Variants in DNM3 observed in about 807,000 individuals in gnomAD.
DNM3 encodes the protein dynamin-3.
A neutral mutation model predicts 101.6 loss-of-function variants in DNM3; 47 were observed. That is an observed-to-expected ratio of 0.46 (90% confidence interval 0.37 to 0.59). The LOEUF is 0.59. DNM3 is among the 20% of genes least tolerant of loss of function. The pLI, the probability that DNM3 is intolerant of heterozygous loss-of-function variation, is 0.00. For missense variants in DNM3, 849 were observed against 1,085.7 expected (o/e 0.78, Z 3.06); for synonymous variants, 385 against 387.9 (o/e 0.99, Z 0.09).
chr1:172,205,235 A>G (rs908924619), intron 14 of DNM3, among the ~76,000 whole-genome samples: 7 of 152,206 alleles, frequency 4.6e-5, no homozygotes, highest in African/African-American at 1.7e-4. Context: ...ACCTTTTGCT[A>G]TCATCTCTAG....
At chr1:171,925,859 A>G (rs1450539245) in intron 2 of DNM3, among the ~76,000 whole-genome samples, 1 of 152,144 alleles carries the variant, frequency 6.6e-6, no homozygotes, top group Non-Finnish European at 1.5e-5. Flanking sequence ...TAAGTCTTTA[A>G]TCCATCATGA....
chr1:172,167,760 C>A (rs2058803780), intron 14 of DNM3, among the ~76,000 whole-genome samples: 1 of 152,078 alleles, frequency 6.6e-6, no homozygotes, highest in South Asian at 2.1e-4. Context: ...CAAACAGGTA[C>A]ATAATTTGCC....
intron 13 of DNM3, among the ~76,000 whole-genome samples, chr1:172,122,164 A>T (rs2056362828): frequency 6.6e-6 from 1 of 152,210 alleles, no homozygotes; most frequent in South Asian, 2.1e-4. Context: ...GGAAAAATAC[A>T]GGGAAATGGA....
intron 13 of DNM3, among the ~76,000 whole-genome samples, chr1:172,093,484 A>G (rs1258837534): frequency 6.6e-6 from 1 of 152,206 alleles, no homozygotes; most frequent in Non-Finnish European, 1.5e-5. Flanking sequence ...GTTTTATGTG[A>G]TAATGAATAT....
chr1:172,111,127 T>G (rs1181265053), intron 13 of DNM3, among the ~76,000 whole-genome samples: 1 of 152,244 alleles, frequency 6.6e-6, no homozygotes, highest in African/African-American at 2.4e-5. Flanking sequence ...GATTTAAGCT[T>G]GATTAACAAT....
chr1:171,993,561 G>A (rs1054431509), intron 4 of DNM3, among the ~76,000 whole-genome samples: 1 of 132,826 alleles, frequency 7.5e-6, no homozygotes, highest in Non-Finnish European at 1.6e-5. Flanking sequence ...AGATCTTGTT[G>A]AGTTTATCCT....
chr1:172,328,621 G>A (rs2066043332), intron 17 of DNM3, among the ~76,000 whole-genome samples: 1 of 152,076 alleles, frequency 6.6e-6, no homozygotes, highest in East Asian at 1.9e-4. Context: ...GGGAGCAAGA[G>A]ACACCGGGGC....
At chr1:172,155,795 G>A (rs1049011162) in intron 14 of DNM3, among the ~76,000 whole-genome samples, 2 of 152,066 alleles carry the variant, frequency 1.3e-5, no homozygotes, top group African/African-American at 4.8e-5. Flanking sequence ...CAATTGTTAA[G>A]AAGAAAGATA....
intron 4 of DNM3, among the ~76,000 whole-genome samples, chr1:171,996,914 C>A (rs2046034804): frequency 6.6e-6 from 1 of 151,944 alleles, no homozygotes; most frequent in African/African-American, 2.4e-5. Flanking sequence ...TGCCTGTAGT[C>A]CCACCTACTT....
intron 1 of DNM3, among the ~76,000 whole-genome samples, chr1:171,871,566 T>C (rs2035286666): frequency 1.3e-5 from 2 of 152,198 alleles, no homozygotes; most frequent in African/African-American, 4.8e-5. Flanking sequence ...GCTGGTCCTA[T>C]GAACACCGTG....
chr1:172,391,250 A>G (rs1410602395), intron 20 of DNM3, among the ~76,000 whole-genome samples: 1 of 152,194 alleles, frequency 6.6e-6, no homozygotes, highest in Non-Finnish European at 1.5e-5. Context: ...AGTACAGGGT[A>G]AAAGAGGAAA....
intron 13 of DNM3, among the ~76,000 whole-genome samples, chr1:172,119,164 G>C (rs1048476904): frequency 2.0e-5 from 3 of 151,730 alleles, no homozygotes; most frequent in African/African-American, 7.3e-5. Flanking sequence ...AGTTAATTTT[G>C]TATTTTTAGT....
chr1:172,054,655 G>C (rs1402474638), intron 10 of DNM3, among the ~76,000 whole-genome samples: 1 of 152,058 alleles, frequency 6.6e-6, no homozygotes, highest in Non-Finnish European at 1.5e-5. Flanking sequence ...ACCTTAGTCA[G>C]CTATTAGAAA....
chr1:172,243,391 G>A (rs1249165882), intron 14 of DNM3, among the ~76,000 whole-genome samples: 2 of 152,150 alleles, frequency 1.3e-5, no homozygotes, highest in Non-Finnish European at 2.9e-5. Context: ...AATGTCATGA[G>A]AATGGAAAAG....
intron 2 of DNM3, among the ~76,000 whole-genome samples, chr1:171,963,862 C>T (rs950037728): frequency 8.6e-5 from 13 of 151,688 alleles, no homozygotes; most frequent in Non-Finnish European, 1.8e-4. Flanking sequence ...ATTCCAAGCC[C>T]CCCATCCACC....
intron 13 of DNM3, among the ~76,000 whole-genome samples, chr1:172,112,373 A>C (rs555929811): frequency 1.3e-5 from 2 of 152,226 alleles, no homozygotes; most frequent in South Asian, 4.1e-4. Context: ...GTCCAGCACC[A>C]GAGCTGGGGC....
intron 14 of DNM3, among the ~76,000 whole-genome samples, chr1:172,236,662 G>C (rs545290728): frequency 6.6e-6 from 1 of 152,090 alleles, no homozygotes; most frequent in African/African-American, 2.4e-5. Context: ...ACAGAGGGAG[G>C]AAGAGGAGAA....
intron 14 of DNM3, among the ~76,000 whole-genome samples, chr1:172,135,292 G>T (rs1158282928): frequency 6.6e-6 from 1 of 152,098 alleles, no homozygotes; most frequent in African/African-American, 2.4e-5. Flanking sequence ...ACTGATAGGA[G>T]ACACTAACTA....
chr1:171,968,507 C>T (rs552720561), intron 2 of DNM3, among the ~76,000 whole-genome samples: 5 of 152,278 alleles, frequency 3.3e-5, no homozygotes, highest in African/African-American at 1.2e-4. Flanking sequence ...AAGGTTAAAG[C>T]AGAGGGGACT....
Sources: gnomAD v4.1 joint callset for allele counts (sites outside exome capture counted in the v4.1 genomes callset) on GRCh38, gnomAD v4.1.1 for gene constraint, MANE v1.5 for transcripts, NCBI Gene and HGNC (gene_info 2026-07-23, HGNC 2026-07-21) for gene names.